Variants in TCF3 observed in about 807,000 individuals in gnomAD.
The protein encoded by TCF3 is transcription factor E2-alpha.
In TCF3, 54 loss-of-function variants were observed where a neutral mutation model predicts 72.3. The ratio of observed to expected loss-of-function variants is 0.75; its 90% confidence interval spans 0.60 to 0.94. The LOEUF is 0.94. TCF3 is among the 40% of genes least tolerant of loss of function. The pLI is 0.00. For synonymous variants in TCF3, 525 were observed against 412.6 expected, an observed-to-expected ratio of 1.27 and a Z score of -3.30; for missense variants, 1,078 against 934.4, an observed-to-expected ratio of 1.15 and a Z score of -2.00.
chr19:1,622,416 C>CG lies in TCF3; in HGVS notation c.550-2_550-1insC. 2.1e-6 allele frequency: 2 copies of CG among 959,942 alleles called. No homozygotes were observed. The highest frequency in any genetic ancestry group is 4.8e-5 in the East Asian group (1 of 20,690). The allele number at this position is 959,942 out of a possible 1,614,324, so 59.5% of individuals were successfully genotyped here. A position where few individuals can be genotyped will look rare whatever the true frequency, so the allele number is the denominator to read the frequency against. On this transcript the variant is annotated splice_acceptor_variant, in intron 8 of 18. Transcript: ENST00000262965. LOFTEE classifies it high-confidence loss of function. ...CCTCACCTGAGCTGGGTGGGTACACCTGCGGGCGGGTGGGCGGTGGGGGGT... is the reference window on the plus strand; with the variant it reads ...CCTCACCTGAGCTGGGTGGGTACACCGTGCGGGCGGGTGGGCGGTGGGGGGT...
intron 6 of TCF3, among the ~76,000 whole-genome samples, chr19:1,627,069 C>T (rs1568403459): frequency 1.3e-5 from 2 of 152,312 alleles, no homozygotes; most frequent in East Asian, 3.9e-4. Context: ...ACCTGCAAAG[C>T]CCTGCTGCAT....
At chr19:1,635,685 CG>C (rs1246447902) in intron 3 of TCF3, among the ~76,000 whole-genome samples, 13 of 152,162 alleles carry the variant, frequency 8.5e-5, no homozygotes, top group Non-Finnish European at 1.6e-4. Context: ...CTGTCCAATA[CG>C]GGGACCACAC....
intron 6 of TCF3, among the ~76,000 whole-genome samples, chr19:1,626,386 G>A (rs1321058635): frequency 6.6e-6 from 1 of 152,044 alleles, no homozygotes; most frequent in South Asian, 2.1e-4. Flanking sequence ...GGAGACAGAG[G>A]TTGCGGTGAG....
intron 3 of TCF3, among the ~76,000 whole-genome samples, chr19:1,645,094 T>C (rs2065889545): frequency 6.6e-6 from 1 of 152,044 alleles, no homozygotes; most frequent in Admixed American, 6.6e-5. Context: ...AGCAAAGCGA[T>C]GTCTCTCCAT....
At chr19:1,612,262 C>T in intron 18 of TCF3, 3 of 1,611,074 alleles carry the variant, frequency 1.9e-6, no homozygotes, top group Non-Finnish European at 2.5e-6. Context: ...GCAGGATGAG[C>T]AGCTTGGTCT....
Position 1,615,638 on chromosome 19 carries a change from G to A in TCF3, c.1586+48C>T, listed in dbSNP as rs1472826198. 8.1e-6 allele frequency: 13 copies of A among 1,611,960 alleles called. No individual in the cohort carries two copies. Among genetic ancestry groups the A allele is most frequent in the Non-Finnish European group, 1.0e-5 (12 of 1,179,780 alleles). On this transcript the variant is annotated intron_variant, in intron 17 of 18. Coordinates refer to ENST00000262965, the MANE Select transcript of TCF3 (RefSeq NM_003200.5). The surrounding 1 kb of genome is among the most constrained non-coding windows in gnomAD (Gnocchi z 7.3). The stretch of plus-strand genomic sequence containing the variant: ...GTGTGCGTGTGGCCTGTGCACATGT[G>A]CGTCCTGATGGGGTGAGGGTGGGGA...
chr19:1,639,451 A>T (rs974584140), intron 3 of TCF3, among the ~76,000 whole-genome samples: 14 of 152,204 alleles, frequency 9.2e-5, no homozygotes, highest in Non-Finnish European at 5.9e-5. Context: ...TCAACAGAGA[A>T]ACCGACAAAC....
intron 5 of TCF3, among the ~76,000 whole-genome samples, chr19:1,629,321 C>CGCACAGGTCCCTGGGTTCTCCTG (rs1555748265): frequency 3.8e-4 from 58 of 152,246 alleles, no homozygotes; most frequent in African/African-American, 1.3e-3. Flanking sequence ...TCAGGTTCAC[C>CGCACAGGTCCCTGGGTTCTCCTG]GCACAGGCTC....
At chr19:1,619,012 A>G in intron 16 of TCF3, 99 bp downstream of exon 16, 1 of 1,550,276 alleles carries the variant, frequency 6.5e-7, no homozygotes, top group Non-Finnish European at 8.6e-7. Flanking sequence ...CCCCACGGTG[A>G]CACCTGCCCT....
intron 2 of TCF3, among the ~76,000 whole-genome samples, chr19:1,646,896 G>T (rs539566967): frequency 8.5e-5 from 13 of 152,238 alleles, no homozygotes; most frequent in African/African-American, 3.1e-4. Flanking sequence ...CTGACTCCTC[G>T]TTTCCTGTGT....
chr19:1,638,920 C>T (rs10409667), intron 3 of TCF3, among the ~76,000 whole-genome samples: 38,660 of 152,108 alleles, frequency 0.25, 5,150 homozygotes, highest in East Asian at 0.43. Context: ...TCTGAAAACA[C>T]GGTGCCGACC....
In TCF3 at chr19:1,646,387, G is replaced by A. The variant is rs1348236162; in HGVS notation, c.113C>T (p.Ala38Val). 4.7e-5 allele frequency: 73 copies of A among 1,550,202 alleles called. No individual in the cohort carries two copies. The Admixed American group carries it at 1.4e-3, about 30-fold the overall frequency. ...LPVTNGKGRPASLAGAQFGGS... is the reference protein window; with the variant it reads ...LPVTNGKGRPVSLAGAQFGGS... Reference sequence around the variant, plus strand: ...TCCGAACTGCGCCCCGGCCAGGGAGGCGGGCCGGCCCTTCCCGTTGGTGAC... The same window carrying A: ...TCCGAACTGCGCCCCGGCCAGGGAGACGGGCCGGCCCTTCCCGTTGGTGAC... The change falls in exon 3 of 19, where the codon GCC becomes GTC. Residue 38 changes from alanine to valine, a missense_variant. Coordinates refer to ENST00000262965, the MANE Select transcript of TCF3 (RefSeq NM_003200.5).
chr19:1,630,569 C>T (rs960108862), intron 5 of TCF3, among the ~76,000 whole-genome samples: 4 of 152,322 alleles, frequency 2.6e-5, no homozygotes, highest in African/African-American at 7.2e-5. Flanking sequence ...ACCTGGGCCC[C>T]GCAGCAGGTC....
intron 3 of TCF3, among the ~76,000 whole-genome samples, chr19:1,642,870 G>A (rs552750587): frequency 2.6e-5 from 4 of 152,346 alleles, no homozygotes; most frequent in East Asian, 1.9e-4. Context: ...AGGTTCTCCC[G>A]GGGTTTCCTC....
Position 1,611,433 on chromosome 19 carries a change from C to T in TCF3, c.*274G>A. 1 of 418,438 alleles carries T rather than the reference C, an allele frequency of 2.4e-6. No individual in the cohort carries two copies. Among genetic ancestry groups the T allele is most frequent in the East Asian group, 3.5e-5 (1 of 28,722 alleles). The allele number at this position is 418,438 out of a possible 1,614,324, so 25.9% of individuals were successfully genotyped here. A position where few individuals can be genotyped will look rare whatever the true frequency, so the allele number is the denominator to read the frequency against. On this transcript the variant is annotated 3_prime_UTR_variant, in exon 19 of 19. Transcript: ENST00000262965. ...AGGGCCAAGATGCAGTTTCAGGATCCATGGGACAGGTCACAGAGTGACACG... is the reference window on the plus strand; with the variant it reads ...AGGGCCAAGATGCAGTTTCAGGATCTATGGGACAGGTCACAGAGTGACACG...
intron 3 of TCF3, among the ~76,000 whole-genome samples, chr19:1,641,577 C>T (rs1005374732): frequency 2.6e-5 from 4 of 152,070 alleles, no homozygotes; most frequent in Non-Finnish European, 4.4e-5. Context: ...CTCAGCCTCC[C>T]GAGTAGCTGG....
At chr19:1,638,448 A>C (rs1051235168) in intron 3 of TCF3, among the ~76,000 whole-genome samples, 2 of 152,046 alleles carry the variant, frequency 1.3e-5, no homozygotes, top group Admixed American at 1.3e-4. Flanking sequence ...GCGCCCGGCT[A>C]ATTTTTTTGT....
intron 1 of TCF3, 47 bp from the exon 2 acceptor site, chr19:1,650,334 G>T (rs1317187997): frequency 1.4e-6 from 2 of 1,388,900 alleles, no homozygotes; most frequent in Admixed American, 2.0e-5. Flanking sequence ...AACAGGGAGG[G>T]GAGAAGAGTT....
chr19:1,621,249 C>A, intron 11 of TCF3, 58 bp from the exon 12 acceptor site: 1 of 1,512,756 alleles, frequency 6.6e-7, no homozygotes. Flanking sequence ...CCGCCGACGG[C>A]AAGCTCTCCT....
Sources: gnomAD v4.1 joint callset for allele counts (sites outside exome capture counted in the v4.1 genomes callset) on GRCh38, gnomAD v4.1.1 for gene constraint, Gnocchi (gnomAD v3.1) non-coding constraint, MANE v1.5 for transcripts, NCBI Gene and HGNC (gene_info 2026-07-23, HGNC 2026-07-21) for gene names.